The following CDK19 variants were observed in gnomAD, a reference collection of about 807,000 sequenced individuals.
CDK19 encodes the protein cyclin dependent kinase 19.
In CDK19, 20 loss-of-function variants were observed where a neutral mutation model predicts 68.3. The ratio of observed to expected loss-of-function variants is 0.29; its 90% CI spans 0.21 to 0.43. The LOEUF (loss-of-function observed/expected upper bound fraction) is 0.43, where lower values mean the gene tolerates loss of function less well. Among genes scored for constraint, CDK19 ranks in the 20% least tolerant of loss-of-function variants. CDK19 has a pLI of 1.00. For missense variants in CDK19, 339 were observed against 623.5 expected, an observed-to-expected ratio of 0.54 and a Z score of 4.86; for synonymous variants, 221 against 222.8, an observed-to-expected ratio of 0.99 and a Z score of 0.07.
intron 4 of CDK19, among the ~76,000 whole-genome samples, chr6:110,664,543 A>T (rs1424914557): frequency 6.6e-6 from 1 of 152,210 alleles, no homozygotes; most frequent in African/African-American, 2.4e-5. Flanking sequence ...AAAAATGTTC[A>T]TTAAGGATAG....
intron 5 of CDK19, among the ~76,000 whole-genome samples, chr6:110,634,608 T>C (rs1221741824): frequency 6.6e-6 from 1 of 152,230 alleles, no homozygotes; most frequent in Non-Finnish European, 1.5e-5. Context: ...ACTAAAGCTA[T>C]CCAAAGGAAG....
intron 6 of CDK19, among the ~76,000 whole-genome samples, chr6:110,629,177 G>C (rs1176392903): frequency 2.6e-5 from 4 of 152,142 alleles, no homozygotes; most frequent in African/African-American, 9.7e-5. Flanking sequence ...CCAGGGTCTT[G>C]AGTTCCCAGT....
chr6:110,658,291 A>G (rs960766212), intron 4 of CDK19, among the ~76,000 whole-genome samples: 4 of 152,262 alleles, frequency 2.6e-5, no homozygotes, highest in Non-Finnish European at 5.9e-5. Context: ...ATGATTCTTC[A>G]GCATGACAAG....
intron 2 of CDK19, among the ~76,000 whole-genome samples, chr6:110,745,612 T>A (rs978400523): frequency 1.3e-5 from 2 of 152,170 alleles, no homozygotes; most frequent in African/African-American, 4.8e-5. Flanking sequence ...GTTCAGTATT[T>A]CTGAGATCAC....
chr6:110,792,171 A>G (rs1283505797), intron 1 of CDK19, among the ~76,000 whole-genome samples: 1 of 151,124 alleles, frequency 6.6e-6, no homozygotes, highest in African/African-American at 2.4e-5. Context: ...GGGTTTCACC[A>G]TGTTGGCCAG....
chr6:110,674,763 G>T (rs969079294), intron 2 of CDK19, among the ~76,000 whole-genome samples: 1 of 152,042 alleles, frequency 6.6e-6, no homozygotes, highest in African/African-American at 2.4e-5. Context: ...TTAGCTGGGC[G>T]TAGTGGCAGG....
intron 1 of CDK19, among the ~76,000 whole-genome samples, chr6:110,748,386 G>A (rs558175825): frequency 6.6e-6 from 1 of 152,136 alleles, no homozygotes; most frequent in Admixed American, 6.5e-5. Context: ...CAGGAACAAG[G>A]AACAAACCCA....
At chr6:110,659,580 A>G (rs779260175) in intron 4 of CDK19, among the ~76,000 whole-genome samples, 1 of 152,240 alleles carries the variant, frequency 6.6e-6, no homozygotes, top group Non-Finnish European at 1.5e-5. Context: ...AGAAAGTACT[A>G]ATACTAGTGA....
At chr6:110,711,400 T>A (rs1774929086) in intron 2 of CDK19, among the ~76,000 whole-genome samples, 1 of 152,148 alleles carries the variant, frequency 6.6e-6, no homozygotes, top group African/African-American at 2.4e-5. Context: ...TTCAAAAGGG[T>A]ATTTGAATTA....
intron 12 of CDK19, among the ~76,000 whole-genome samples, chr6:110,617,704 CAA>C (rs3223408): frequency 1.9e-4 from 26 of 133,768 alleles, no homozygotes; most frequent in Admixed American, 1.3e-3. Flanking sequence ...CACACACACA[CAA>C]ATTAGCCGGG....
chr6:110,765,673 C>T (rs1779534967), intron 1 of CDK19, among the ~76,000 whole-genome samples: 2 of 146,458 alleles, frequency 1.4e-5, no homozygotes, highest in East Asian at 3.9e-4. Context: ...CAGCAAGACT[C>T]CATCTCAAAA....
intron 1 of CDK19, among the ~76,000 whole-genome samples, chr6:110,778,771 G>C (rs950857467): frequency 3.9e-5 from 6 of 152,072 alleles, no homozygotes; most frequent in African/African-American, 1.4e-4. Flanking sequence ...TGCTACGACT[G>C]GTCAATTAGC....
intron 2 of CDK19, among the ~76,000 whole-genome samples, chr6:110,693,471 C>T (rs1461510614): frequency 6.6e-6 from 1 of 152,234 alleles, no homozygotes; most frequent in Non-Finnish European, 1.5e-5. Context: ...GGCTGGAAAG[C>T]CCTGCTTGCT....
rs931302480 is a variant in CDK19, at chr6:110,780,111, G to A, written c.129-33910C>T. Among the ~76,000 whole-genome samples, 5 of 152,070 alleles carry A rather than the reference G, an allele frequency of 3.3e-5. No individual in the cohort carries two copies. In the South Asian group the frequency reaches 6.2e-4, roughly 19 times the overall value. On this transcript the variant is annotated intron_variant, in intron 1 of 12. Transcript: ENST00000368911. ...CACATGTCTGTAATCCCAGCTACTC[G>A]GGAAGCTGAGACTGGAGAATCACTT...
chr6:110,637,895 A>T (rs2114752310), intron 5 of CDK19, among the ~76,000 whole-genome samples: 1 of 152,312 alleles, frequency 6.6e-6, no homozygotes, highest in South Asian at 2.1e-4. Context: ...GGCAGGGAGA[A>T]TTGCTTGAAC....
chr6:110,726,257 A>G (rs1440261069), intron 2 of CDK19, among the ~76,000 whole-genome samples: 1 of 152,202 alleles, frequency 6.6e-6, no homozygotes, highest in East Asian at 1.9e-4. Context: ...GGAATACTTT[A>G]GGAGATAATT....
At chr6:110,676,302 A>G (rs1320697407) in intron 2 of CDK19, among the ~76,000 whole-genome samples, 2 of 151,854 alleles carry the variant, frequency 1.3e-5, no homozygotes, top group African/African-American at 4.9e-5. Flanking sequence ...GGATGGGCAA[A>G]GAAAGTGATT....
At chr6:110,725,603 G>T (rs1056964857) in intron 2 of CDK19, among the ~76,000 whole-genome samples, 2 of 152,036 alleles carry the variant, frequency 1.3e-5, no homozygotes, top group African/African-American at 4.8e-5. Flanking sequence ...ATCATCCCTC[G>T]TGCAGCCTAA....
At chr6:110,655,926 G>C (rs780236357) in intron 4 of CDK19, among the ~76,000 whole-genome samples, 9 of 152,058 alleles carry the variant, frequency 5.9e-5, no homozygotes, top group Non-Finnish European at 1.2e-4. Context: ...TCTTTCTCCT[G>C]CCTCTTCTTT....
Sources: allele counts gnomAD v4.1 joint callset (sites outside exome capture counted in the v4.1 genomes callset), GRCh38; gene constraint gnomAD v4.1.1; transcripts MANE v1.5; gene names NCBI Gene and HGNC (gene_info 2026-07-23, HGNC 2026-07-21).